Variants in DLGAP2 observed in about 807,000 individuals in gnomAD.
The protein encoded by DLGAP2 is disks large-associated protein 2.
Under a neutral mutation model 100.3 loss-of-function variants are expected in DLGAP2, and 26 were observed. That is an observed-to-expected ratio of 0.26 (90% CI 0.19 to 0.36). The LOEUF (loss-of-function observed/expected upper bound fraction) is 0.36, where lower values mean the gene tolerates loss of function less well. DLGAP2 is among the 10% of genes least tolerant of loss of function. DLGAP2 has a pLI of 1.00. For missense variants in DLGAP2, 1,858 were observed against 1,453.2 expected (o/e 1.28, Z -4.53); for synonymous variants, 886 against 630.1 (o/e 1.41, Z -6.08).
At chr8:1,456,081 C>G (rs952812425) in intron 3 of DLGAP2, among the ~76,000 whole-genome samples, 2 of 152,190 alleles carry the variant, frequency 1.3e-5, no homozygotes, top group African/African-American at 4.8e-5. Context: ...TGGGTCCCTC[C>G]CAGCAGCTTT....
intron 3 of DLGAP2, among the ~76,000 whole-genome samples, chr8:1,429,849 T>G (rs1563141805): frequency 6.6e-6 from 1 of 150,806 alleles, no homozygotes; most frequent in Non-Finnish European, 1.5e-5. Context: ...ATTCATCTGA[T>G]TTGTCCAAGG....
chr8:1,005,220 A>G (rs1217798515), intron 2 of DLGAP2, among the ~76,000 whole-genome samples: 3 of 152,088 alleles, frequency 2.0e-5, no homozygotes, highest in East Asian at 1.9e-4. Flanking sequence ...TTCCCAAAAT[A>G]CATTTGCTTG....
At chr8:778,970 C>T (rs559665537) in intron 1 of DLGAP2, among the ~76,000 whole-genome samples, 1 of 152,384 alleles carries the variant, frequency 6.6e-6, no homozygotes, top group South Asian at 2.1e-4. Flanking sequence ...TGATCTCAGA[C>T]TGCTGTGCTA....
chr8:942,776 G>A (rs1023627363), intron 2 of DLGAP2, among the ~76,000 whole-genome samples: 1 of 152,178 alleles, frequency 6.6e-6, no homozygotes, highest in African/African-American at 2.4e-5. Context: ...ACAGGGCTCA[G>A]CATGAGGTTT....
chr8:1,107,218 C>T (rs531391362), intron 2 of DLGAP2, among the ~76,000 whole-genome samples: 52 of 152,304 alleles, frequency 3.4e-4, no homozygotes, highest in African/African-American at 1.2e-3. Flanking sequence ...TGCTCCAAGA[C>T]TTGGTTTTCT....
chr8:1,444,567 C>T (rs550396927), intron 3 of DLGAP2, among the ~76,000 whole-genome samples: 9 of 152,120 alleles, frequency 5.9e-5, no homozygotes, highest in African/African-American at 1.4e-4. Context: ...TCAAAGAGCA[C>T]ATTGACAATG....
chr8:1,298,075 G>A (rs1198643997), intron 3 of DLGAP2, among the ~76,000 whole-genome samples: 1 of 71,818 alleles, frequency 1.4e-5, no homozygotes, highest in African/African-American at 7.5e-5. Context: ...AACGTGGCAG[G>A]CGTCAACAGA....
At chr8:1,276,610 G>C (rs1286234786) in intron 3 of DLGAP2, among the ~76,000 whole-genome samples, 1 of 151,342 alleles carries the variant, frequency 6.6e-6, no homozygotes, top group African/African-American at 2.4e-5. Context: ...GAAGCCCAAA[G>C]GTGGTGCGTC....
At chr8:1,509,498 C>T (rs548101795) in intron 4 of DLGAP2, among the ~76,000 whole-genome samples, 5 of 151,568 alleles carry the variant, frequency 3.3e-5, no homozygotes, top group Non-Finnish European at 7.4e-5. Context: ...AGTTTGAAAG[C>T]CCTTGGCAGG....
chr8:1,417,668 C>T (rs11781585), intron 3 of DLGAP2, among the ~76,000 whole-genome samples: 1 of 117,930 alleles, frequency 8.5e-6, no homozygotes, highest in South Asian at 2.9e-4. Flanking sequence ...TGCCTCACTC[C>T]GCGAGGCTCC....
chr8:875,800 T>C (rs971787808), intron 1 of DLGAP2, among the ~76,000 whole-genome samples: 1 of 152,204 alleles, frequency 6.6e-6, no homozygotes, highest in African/African-American at 2.4e-5. Context: ...TTTGAGTCAT[T>C]TATTTCGTGT....
chr8:1,548,653 A>T lies in DLGAP2; in HGVS notation c.200A>T (p.Gln67Leu), dbSNP rs765301665. 1 of 1,572,918 alleles carries T rather than the reference A, an allele frequency of 6.4e-7. No individual in the cohort carries two copies. Among genetic ancestry groups the T allele is most frequent in the South Asian group, 1.2e-5 (1 of 86,808 alleles). ...LDPQYSWSPT[Q>L]HFNEERYSPA... ...CCGCAGTACTCATGGTCGCCCACGC[A>T]GCACTTCAATGAGGAGCGCTACTCG... The change falls in exon 5 of 15, where the codon CAG (glutamine) becomes CTG (leucine). Residue 67 changes from glutamine (Q) to leucine (L), a missense_variant. Transcript: ENST00000637795.
chr8:825,361 CAG>C (rs1468634335), intron 1 of DLGAP2, among the ~76,000 whole-genome samples: 1 of 152,170 alleles, frequency 6.6e-6, no homozygotes, highest in Non-Finnish European at 1.5e-5. Flanking sequence ...GATTTGGGAT[CAG>C]AGAGTTCTCT....
In DLGAP2 at chr8:1,344,116, CGGGG is replaced by C. The variant is rs1563094962; in HGVS notation, c.106+85234_106+85237del. ...GGGCCCTGTCGTGGGTCCATGTATT[CGGGG>C]CCCTGTCGTGGGTCCGTGTACTCGG... On this transcript the variant is annotated intron_variant, in intron 3 of 14. Coordinates refer to ENST00000637795, the MANE Select transcript of DLGAP2 (RefSeq NM_001346810.2). Among the ~76,000 whole-genome samples, 8 of 57,264 alleles carry C rather than the reference CGGGG, an allele frequency of 1.4e-4. No individual in the cohort carries two copies. The South Asian group carries it at 1.7e-3, about 12-fold the overall frequency. 37.6% of individuals were successfully genotyped at this position (57,264 alleles called of 152,430 possible). A position where few individuals can be genotyped will look rare whatever the true frequency, so the allele number is the denominator to read the frequency against.
chr8:1,667,145 C>T (rs1485886498), intron 8 of DLGAP2, among the ~76,000 whole-genome samples: 2 of 152,228 alleles, frequency 1.3e-5, no homozygotes, highest in African/African-American at 4.8e-5. Context: ...CTTTTATCAG[C>T]TCTTCCTGTG....
chr8:1,488,592 G>T (rs919269755), intron 3 of DLGAP2, among the ~76,000 whole-genome samples: 3 of 152,190 alleles, frequency 2.0e-5, no homozygotes, highest in African/African-American at 4.8e-5. Flanking sequence ...GAGGTGAGCA[G>T]TAAATGCTGA....
At chr8:1,312,095 G>C (rs559577301) in intron 3 of DLGAP2, among the ~76,000 whole-genome samples, 1 of 152,338 alleles carries the variant, frequency 6.6e-6, no homozygotes, top group Non-Finnish European at 1.5e-5. Context: ...AACAGCAGCA[G>C]AACACAGATT....
intron 6 of DLGAP2, among the ~76,000 whole-genome samples, chr8:1,602,732 C>G (rs1796668535): frequency 6.6e-6 from 1 of 152,214 alleles, no homozygotes. Context: ...ACAAGTGTCT[C>G]TTGAGCTCCT....
chr8:1,587,609 G>T (rs1421099401), intron 6 of DLGAP2, among the ~76,000 whole-genome samples: 1 of 152,082 alleles, frequency 6.6e-6, no homozygotes, highest in Non-Finnish European at 1.5e-5. Context: ...TAAATACTCA[G>T]CAATTTTGAC....
Sources: gnomAD v4.1 joint callset for allele counts (sites outside exome capture counted in the v4.1 genomes callset) on GRCh38, gnomAD v4.1.1 for gene constraint, MANE v1.5 for transcripts, NCBI Gene and HGNC (gene_info 2026-07-23, HGNC 2026-07-21) for gene names.